ASTN2: variants seen among roughly 807,000 people sequenced by gnomAD.
The protein encoded by ASTN2 is astrotactin-2.
Under a neutral mutation model 139.8 loss-of-function variants are expected in ASTN2, and 54 were observed. The observed-to-expected ratio is 0.39, with a 90% CI of 0.31 to 0.48. The LOEUF is 0.48. Ranked by LOEUF, ASTN2 falls within the 20% of genes least tolerant of loss-of-function variation. The probability of loss-of-function intolerance (pLI) is 0.95; values close to 1 mark genes in which losing one functional copy is unlikely to be tolerated. For missense variants in ASTN2, 1,565 were observed against 1,725.1 expected (o/e 0.91, Z 1.64); for synonymous variants, 756 against 719.5 (o/e 1.05, Z -0.81).
At chr9:117,157,052 G>T (rs560664301) in intron 3 of ASTN2, among the ~76,000 whole-genome samples, 1 of 151,926 alleles carries the variant, frequency 6.6e-6, no homozygotes, top group African/African-American at 2.4e-5. Context: ...GATCTGATTC[G>T]TTATCTAGCT....
chr9:116,918,628 G>C (rs902199169), intron 10 of ASTN2, among the ~76,000 whole-genome samples: 1 of 151,508 alleles, frequency 6.6e-6, no homozygotes, highest in Admixed American at 6.6e-5. Context: ...TTCTCTCTCT[G>C]TGTTTCCCTC....
chr9:116,455,767 G>GA (rs932088982), intron 20 of ASTN2, among the ~76,000 whole-genome samples: 18 of 143,702 alleles, frequency 1.3e-4, no homozygotes, highest in Non-Finnish European at 2.3e-4. Context: ...ATCCAGATAA[G>GA]AAAAAAAAAA....
intron 16 of ASTN2, among the ~76,000 whole-genome samples, chr9:116,690,830 A>G (rs1324431946): frequency 6.6e-6 from 1 of 152,190 alleles, no homozygotes; most frequent in East Asian, 1.9e-4. Context: ...GAGAACATAT[A>G]AAAAAATGCC....
At chr9:116,713,867 C>A (rs1386680454) in intron 16 of ASTN2, among the ~76,000 whole-genome samples, 1 of 152,170 alleles carries the variant, frequency 6.6e-6, no homozygotes, top group African/African-American at 2.4e-5. Flanking sequence ...GTAGTGAATT[C>A]TCAGTACATG....
chr9:116,919,640 ATT>A (rs72054196), intron 10 of ASTN2, among the ~76,000 whole-genome samples: 27 of 113,544 alleles, frequency 2.4e-4, no homozygotes, highest in African/African-American at 4.2e-4. Context: ...CAAAAACATC[ATT>A]TTTTTTTTTT....
Position 116,699,573 on chromosome 9 carries a change from C to G in ASTN2, c.2806+26198G>C. On this transcript the variant is annotated intron_variant, in intron 16 of 22. Coordinates refer to ENST00000313400, the MANE Select transcript of ASTN2 (RefSeq NM_001365068.1). This position sits in a 1 kb window ranked among gnomAD's most constrained non-coding sequence, Gnocchi z 4.2. ...TCCTAAGGGTGGGGGCTATAGTGTCCTTATTCGAGAGGGACTTACCTGTCC... is the reference window on the plus strand; with the variant it reads ...TCCTAAGGGTGGGGGCTATAGTGTCGTTATTCGAGAGGGACTTACCTGTCC... The G allele has an allele frequency of 6.2e-7, 1 of 1,614,166 alleles. No homozygotes were observed. The highest frequency in any genetic ancestry group is 1.3e-5 in the African/African-American group (1 of 75,032).
At chr9:117,366,520 C>T (rs1829847732) in intron 1 of ASTN2, among the ~76,000 whole-genome samples, 1 of 152,020 alleles carries the variant, frequency 6.6e-6, no homozygotes, top group South Asian at 2.1e-4. Context: ...TCTTTTCATT[C>T]CCTGACCATG....
intron 5 of ASTN2, among the ~76,000 whole-genome samples, chr9:117,049,271 T>A (rs1486020923): frequency 1.3e-5 from 2 of 152,152 alleles, no homozygotes. Flanking sequence ...AAGAAAATAT[T>A]TCTATGTTCA....
chr9:117,260,351 G>A (rs1367692417), intron 2 of ASTN2, among the ~76,000 whole-genome samples: 1 of 152,112 alleles, frequency 6.6e-6, no homozygotes, highest in Non-Finnish European at 1.5e-5. Flanking sequence ...TCTTCTAAAG[G>A]TCTACCATCA....
intron 1 of ASTN2, among the ~76,000 whole-genome samples, chr9:117,397,386 T>A (rs1830705510): frequency 6.6e-6 from 1 of 152,234 alleles, no homozygotes; most frequent in African/African-American, 2.4e-5. Flanking sequence ...GAAAGTCACT[T>A]AAATATTGCT....
intron 10 of ASTN2, among the ~76,000 whole-genome samples, chr9:116,958,534 A>G (rs1835786358): frequency 6.6e-6 from 1 of 152,128 alleles, no homozygotes; most frequent in Non-Finnish European, 1.5e-5. Context: ...GCTTGCAGTG[A>G]GCCGAGACCG....
intron 20 of ASTN2, among the ~76,000 whole-genome samples, chr9:116,475,154 T>C (rs1429255510): frequency 6.6e-6 from 1 of 152,214 alleles, no homozygotes; most frequent in Non-Finnish European, 1.5e-5. Flanking sequence ...GTTGCCAGCA[T>C]GTAATAATTA....
intron 7 of ASTN2, among the ~76,000 whole-genome samples, chr9:116,977,074 A>G (rs573524862): frequency 3.3e-5 from 5 of 152,340 alleles, no homozygotes; most frequent in African/African-American, 1.2e-4. Flanking sequence ...GGAGCTCACA[A>G]CTTAAGACAG....
At chr9:117,225,253 A>G (rs888569776) in intron 2 of ASTN2, among the ~76,000 whole-genome samples, 1 of 151,992 alleles carries the variant, frequency 6.6e-6, no homozygotes, top group African/African-American at 2.4e-5. Flanking sequence ...GAGAGGGCTG[A>G]AGGTAATTCG....
intron 5 of ASTN2, among the ~76,000 whole-genome samples, chr9:117,085,694 G>C (rs1350273849): frequency 1.3e-5 from 2 of 152,246 alleles, no homozygotes; most frequent in East Asian, 3.9e-4. Context: ...GCCCCTCCCA[G>C]GCTACCTTTC....
intron 6 of ASTN2, among the ~76,000 whole-genome samples, chr9:117,029,180 A>T (rs1259689672): frequency 1.3e-5 from 2 of 152,134 alleles, no homozygotes; most frequent in Non-Finnish European, 2.9e-5. Flanking sequence ...TAATAACTGG[A>T]TCTACTTCAT....
chr9:116,766,769 C>T (rs920396601), intron 13 of ASTN2, among the ~76,000 whole-genome samples: 1 of 151,912 alleles, frequency 6.6e-6, no homozygotes, highest in Non-Finnish European at 1.5e-5. Context: ...AACGCACATA[C>T]ATTCATATTC....
chr9:116,646,646 T>C (rs1857603539), intron 17 of ASTN2, among the ~76,000 whole-genome samples: 1 of 152,156 alleles, frequency 6.6e-6, no homozygotes, highest in Non-Finnish European at 1.5e-5. Flanking sequence ...TCCCTTAGGC[T>C]GTCATGACAC....
chr9:116,648,252 G>A (rs1389889113), intron 17 of ASTN2, among the ~76,000 whole-genome samples: 6 of 152,012 alleles, frequency 3.9e-5, no homozygotes, highest in Non-Finnish European at 7.4e-5. Flanking sequence ...AGCCCGTCTC[G>A]GCCTCCCAAA....
Sources: gnomAD v4.1 joint callset for allele counts (sites outside exome capture counted in the v4.1 genomes callset) on GRCh38, gnomAD v4.1.1 for gene constraint, Gnocchi (gnomAD v3.1) non-coding constraint, MANE v1.5 for transcripts, NCBI Gene and HGNC (gene_info 2026-07-23, HGNC 2026-07-21) for gene names.